Variants in BLM observed in about 807,000 individuals in gnomAD.
BLM encodes the protein BLM RecQ like helicase, also known as recQ-like DNA helicase BLM.
Under a neutral mutation model 135.3 loss-of-function variants are expected in BLM, and 95 were observed. That is an observed-to-expected ratio of 0.70 (90% confidence interval 0.59 to 0.83). The LOEUF (loss-of-function observed/expected upper bound fraction) is 0.83. Ranked by LOEUF, BLM falls within the 40% of genes least tolerant of loss-of-function variation. BLM has a pLI of 0.00. For synonymous variants in BLM, 520 were observed against 589.2 expected (o/e 0.88, Z 1.70); for missense variants, 1,518 against 1,663.9 (o/e 0.91, Z 1.53).
chr15:90,725,646 G>C (rs568658733), intron 1 of BLM, among the ~76,000 whole-genome samples: 1 of 149,650 alleles, frequency 6.7e-6, no homozygotes, highest in Non-Finnish European at 1.5e-5. Flanking sequence ...GACTACAGGC[G>C]CCCGCCACCA....
At chr15:90,729,001 G>A (rs1263186681) in intron 1 of BLM, among the ~76,000 whole-genome samples, 3 of 151,856 alleles carry the variant, frequency 2.0e-5, no homozygotes, top group Admixed American at 2.0e-4. Flanking sequence ...GCAACACGGT[G>A]AGTCCCTGTC....
intron 19 of BLM, 149 bp downstream of exon 19, chr15:90,804,508 G>C: frequency 1.2e-6 from 1 of 868,468 alleles, no homozygotes; most frequent in Admixed American, 2.0e-5. Flanking sequence ...GTGTCACCCG[G>C]GCTGGAGTGC....
rs373781146 is a variant in BLM at position 90,745,426 on chromosome 15, T to G, written c.-4-1963T>G. Among the ~76,000 whole-genome samples the G allele has an allele frequency of 4.6e-5, 7 of 152,174 alleles. No homozygotes were observed. The East Asian group carries it at 9.6e-4, about 21-fold the overall frequency. On this transcript the variant is annotated intron_variant, in intron 1 of 21. Transcript: ENST00000355112. The stretch of plus-strand genomic sequence containing the variant: ...GTGTAGACTTCTTTTTTGTTGTTTT[T>G]TGAAACAGGGTCTTGCTCTGTTGCC...
intron 3 of BLM, 117 bp from the exon 4 acceptor site, chr15:90,751,670 A>G (rs1490201411): frequency 2.4e-6 from 2 of 816,780 alleles, no homozygotes; most frequent in Non-Finnish European, 2.0e-6. Context: ...GGATCCATAC[A>G]AAGTGGTGTG....
At chr15:90,771,359 C>T (rs550299884) in intron 12 of BLM, among the ~76,000 whole-genome samples, 12 of 152,122 alleles carry the variant, frequency 7.9e-5, no homozygotes, top group Middle Eastern at 3.4e-3. Flanking sequence ...TACTGGCGTG[C>T]GCCTGTAATC....
chr15:90,790,352 G>A (rs992326878), intron 14 of BLM: 26 of 410,912 alleles, frequency 6.3e-5, no homozygotes, highest in Non-Finnish European at 8.6e-5. Flanking sequence ...GCAGCACATC[G>A]TGGGCTGACT....
At position 90,760,717 on chromosome 15, in the gene BLM, T is replaced by G; in HGVS notation, c.1344T>G (p.Asn448Lys). Reference sequence around the variant, plus strand: ...AGGGTGATTCCTGCCCTACAGGGAATTCTATGAAGGAGTTAAATTTTTCAC... The same window carrying G: ...AGGGTGATTCCTGCCCTACAGGGAAGTCTATGAAGGAGTTAAATTTTTCAC... Reference protein sequence around the residue: ...PMEGDSCPTGNSMKELNFSHL... With the variant: ...PMEGDSCPTGKSMKELNFSHL... Residue 448 changes from asparagine (N) to lysine (K), a missense_variant, in exon 7 of 22, where the codon AAT (asparagine) becomes AAG (lysine). Physicochemically the swap from Asn to Lys is moderately conservative, Grantham distance 94. Transcript: ENST00000355112. 1 of 1,614,142 alleles carries G rather than the reference T, an allele frequency of 6.2e-7. No homozygotes were observed. Among genetic ancestry groups the G allele is most frequent in the South Asian group, 1.1e-5 (1 of 91,078 alleles).
intron 12 of BLM, 135 bp downstream of exon 12, chr15:90,769,721 G>A (rs758049111): frequency 8.2e-5 from 83 of 1,011,108 alleles, no homozygotes; most frequent in Non-Finnish European, 1.1e-4. Flanking sequence ...GTTGTAACCC[G>A]ATGGCAGCTA....
In BLM at chr15:90,815,011, A is replaced by C; in HGVS notation, c.4077-91A>C. On this transcript the variant is annotated intron_variant, in intron 21 of 21. Coordinates refer to ENST00000355112, the MANE Select transcript of BLM (RefSeq NM_000057.4). The surrounding 1 kb of genome is among the most constrained non-coding windows in gnomAD (Gnocchi z 4.6). The stretch of plus-strand genomic sequence containing the variant: ...CACAAGGACACATTAGGCCCAGGGA[A>C]GTGGTATTGTAGCTCTGTGCAGGTT... The C allele has an allele frequency of 7.7e-7, 1 of 1,295,830 alleles. No individual in the cohort carries two copies. Among genetic ancestry groups the C allele is most frequent in the Non-Finnish European group, 1.1e-6 (1 of 909,328 alleles). 80.3% of individuals were successfully genotyped at this position (1,295,830 alleles called of 1,614,324 possible). A position where few individuals can be genotyped will look rare whatever the true frequency, so the allele number is the denominator to read the frequency against.
intron 15 of BLM, among the ~76,000 whole-genome samples, chr15:90,792,354 C>T (rs936916517): frequency 1.3e-5 from 2 of 152,188 alleles, no homozygotes; most frequent in Non-Finnish European, 2.9e-5. Context: ...GATCTGTCCG[C>T]CTCAGCCTCC....
intron 5 of BLM, among the ~76,000 whole-genome samples, chr15:90,759,069 A>G (rs929733106): frequency 6.6e-6 from 1 of 152,246 alleles, no homozygotes; most frequent in African/African-American, 2.4e-5. Flanking sequence ...CCTTTGTTCC[A>G]GCCAATGACC....
intron 15 of BLM, 48 bp downstream of exon 15, chr15:90,790,892 G>A (rs1024640372): frequency 6.5e-7 from 1 of 1,543,300 alleles, no homozygotes. Context: ...TCAGCCTCAT[G>A]ATAGTAGTCT....
At chr15:90,806,677 A>G (rs1897293034) in intron 19 of BLM, among the ~76,000 whole-genome samples, 1 of 152,194 alleles carries the variant, frequency 6.6e-6, no homozygotes, top group Admixed American at 6.5e-5. Context: ...CCAGAATTTC[A>G]GTAGTAGAGT....
chr15:90,797,876 A>G (rs1166314771), intron 16 of BLM, among the ~76,000 whole-genome samples: 1 of 152,182 alleles, frequency 6.6e-6, no homozygotes, highest in African/African-American at 2.4e-5. Flanking sequence ...GTAACAGAGC[A>G]CTATTCTAGG....
intron 16 of BLM, among the ~76,000 whole-genome samples, chr15:90,796,966 G>A (rs1003569047): frequency 1.3e-5 from 2 of 152,112 alleles, no homozygotes; most frequent in Non-Finnish European, 2.9e-5. Flanking sequence ...AGGATGTGGT[G>A]GTCTGAGAAT....
chr15:90,748,355 A>G (rs8031428), intron 2 of BLM, among the ~76,000 whole-genome samples: 66,882 of 149,724 alleles, frequency 0.45, 16,532 homozygotes, highest in African/African-American at 0.69. Flanking sequence ...TGATCCGCCC[A>G]CCTTGGCCTC....
chr15:90,758,070 G>A (rs1895866670), intron 5 of BLM, among the ~76,000 whole-genome samples: 1 of 151,848 alleles, frequency 6.6e-6, no homozygotes, highest in African/African-American at 2.4e-5. Flanking sequence ...ATTAGAGACA[G>A]GGTTTCGCCA....
Position 90,793,759 on chromosome 15 carries a change from C to T in BLM, c.3020-408C>T, listed in dbSNP as rs28385099. The T allele has an allele frequency of 0.17, 26,812 of 155,914 alleles. 2,381 individuals carry two copies. The highest frequency in any genetic ancestry group is 0.19 in the Non-Finnish European group (13,210 of 70,716). The allele number at this position is 155,914 out of a possible 1,614,324, so 9.7% of individuals were successfully genotyped here. A position where few individuals can be genotyped will look rare whatever the true frequency, so the allele number is the denominator to read the frequency against. On this transcript the variant is annotated intron_variant, in intron 15 of 21. Transcript: ENST00000355112. Reference sequence around the variant, plus strand: ...CTCTGTGAGTTCACCACAGCACCCCCGGGCTTGTTGGCACACAATTTTGGA... The same window carrying T: ...CTCTGTGAGTTCACCACAGCACCCCTGGGCTTGTTGGCACACAATTTTGGA...
At chr15:90,788,052 T>C (rs1896799145) in intron 14 of BLM, among the ~76,000 whole-genome samples, 1 of 151,708 alleles carries the variant, frequency 6.6e-6, no homozygotes, top group East Asian at 1.9e-4. Flanking sequence ...TCAGTCTCAG[T>C]GGAGACAATA....
Sources: allele counts gnomAD v4.1 joint callset (sites outside exome capture counted in the v4.1 genomes callset), GRCh38; gene constraint gnomAD v4.1.1; non-coding constraint Gnocchi (gnomAD v3.1); transcripts MANE v1.5; gene names NCBI Gene and HGNC (gene_info 2026-07-23, HGNC 2026-07-21).